Variants in METTL15 observed in about 807,000 individuals in gnomAD.
METTL15 encodes 12S rRNA N(4)-cytidine methyltransferase METTL15.
A neutral mutation model predicts 38.3 loss-of-function variants in METTL15; 34 were observed. The observed-to-expected ratio is 0.89, with a 90% CI of 0.68 to 1.18. The LOEUF is 1.18. METTL15 is among the 50% of genes most tolerant of loss of function. METTL15 has a pLI of 0.00. For synonymous variants in METTL15, 162 were observed against 170.9 expected (o/e 0.95, Z 0.41); for missense variants, 438 against 498.4 (o/e 0.88, Z 1.15).
At chr11:28,443,332 C>T (rs1206801656) in intron 6 of METTL15, among the ~76,000 whole-genome samples, 1 of 152,054 alleles carries the variant, frequency 6.6e-6, no homozygotes, top group South Asian at 2.1e-4. Context: ...TCTGTGGGTC[C>T]TTTGCTGAGT....
At chr11:28,346,672 T>A (rs1849998495) in intron 3 of METTL15, among the ~76,000 whole-genome samples, 1 of 152,190 alleles carries the variant, frequency 6.6e-6, no homozygotes, top group South Asian at 2.1e-4. Context: ...AAATCAAAAA[T>A]ACTTTACAAC....
intron 5 of METTL15, among the ~76,000 whole-genome samples, chr11:28,409,299 A>G (rs977781309): frequency 5.6e-5 from 8 of 144,008 alleles, no homozygotes; most frequent in Middle Eastern, 3.3e-3. Context: ...GGAGAATGGC[A>G]TGAACCCAGG....
At chr11:28,384,401 C>A (rs1262902822) in intron 5 of METTL15, among the ~76,000 whole-genome samples, 3 of 151,854 alleles carry the variant, frequency 2.0e-5, no homozygotes, top group African/African-American at 7.3e-5. Context: ...CTCTGCCTCC[C>A]AGGTTCAAGC....
intron 6 of METTL15, among the ~76,000 whole-genome samples, chr11:28,447,584 CATT>C (rs1049981167): frequency 6.6e-6 from 1 of 151,956 alleles, no homozygotes; most frequent in Admixed American, 6.6e-5. Flanking sequence ...GGCTGAATCT[CATT>C]ATTTTGTGAT....
intron 3 of METTL15, among the ~76,000 whole-genome samples, chr11:28,185,007 A>G (rs1003418605): frequency 2.4e-4 from 36 of 151,466 alleles, no homozygotes; most frequent in African/African-American, 8.7e-4. Context: ...CATTTTACAT[A>G]ATGTGTTGAA....
At chr11:28,281,556 G>A (rs1856057139) in intron 4 of METTL15, among the ~76,000 whole-genome samples, 1 of 152,090 alleles carries the variant, frequency 6.6e-6, no homozygotes, top group African/African-American at 2.4e-5. Flanking sequence ...GTCTTATCTA[G>A]CTTTTCTAGT....
intron 6 of METTL15, among the ~76,000 whole-genome samples, chr11:28,486,145 C>T (rs184333525): frequency 5.3e-4 from 81 of 152,214 alleles, no homozygotes; most frequent in South Asian, 2.3e-3. Context: ...AGAAAGTTAA[C>T]ACTTAGAGGT....
chr11:28,240,147 A>G (rs1249342834), intron 4 of METTL15, among the ~76,000 whole-genome samples: 1 of 152,190 alleles, frequency 6.6e-6, no homozygotes, highest in Non-Finnish European at 1.5e-5. Context: ...CTTTAAATAA[A>G]GCTGCCCTGT....
At chr11:28,200,348 A>G (rs903066677) in intron 3 of METTL15, among the ~76,000 whole-genome samples, 2 of 152,172 alleles carry the variant, frequency 1.3e-5, no homozygotes, top group African/African-American at 4.8e-5. Context: ...AGAATTACTT[A>G]ATTAACTGAA....
intron 6 of METTL15, among the ~76,000 whole-genome samples, chr11:28,481,807 CT>C: frequency 6.6e-6 from 1 of 152,240 alleles, no homozygotes; most frequent in East Asian, 1.9e-4. Flanking sequence ...GCCCGCTGGG[CT>C]CAAATACCAC....
At chr11:28,247,734 C>G (rs1404566523) in intron 4 of METTL15, among the ~76,000 whole-genome samples, 1 of 152,072 alleles carries the variant, frequency 6.6e-6, no homozygotes, top group East Asian at 1.9e-4. Context: ...CCATAATCAA[C>G]TTTTAGTGGT....
chr11:28,228,834 CA>C (rs1170033103), intron 4 of METTL15, among the ~76,000 whole-genome samples: 1 of 151,864 alleles, frequency 6.6e-6, no homozygotes, highest in Non-Finnish European at 1.5e-5. Flanking sequence ...AAAAACTTTG[CA>C]GACTTACAAG....
At chr11:28,515,512 T>G (rs1246067854) in intron 6 of METTL15, among the ~76,000 whole-genome samples, 2 of 152,232 alleles carry the variant, frequency 1.3e-5, no homozygotes, top group African/African-American at 2.4e-5. Flanking sequence ...AGTTGGTAAC[T>G]TACAGCCTAT....
intron 3 of METTL15, among the ~76,000 whole-genome samples, chr11:28,210,581 G>A (rs1852590971): frequency 6.6e-6 from 1 of 151,538 alleles, no homozygotes; most frequent in African/African-American, 2.4e-5. Context: ...TTTGTCCTGT[G>A]CTTATTTATT....
intron 3 of METTL15, among the ~76,000 whole-genome samples, chr11:28,210,404 C>T (rs1007304430): frequency 6.6e-5 from 10 of 151,602 alleles, no homozygotes; most frequent in Admixed American, 2.0e-4. Flanking sequence ...TGGAATTTTG[C>T]GACTTTAAGT....
intron 3 of METTL15, among the ~76,000 whole-genome samples, chr11:28,138,779 A>C (rs1849599688): frequency 6.6e-6 from 1 of 152,198 alleles, no homozygotes; most frequent in South Asian, 2.1e-4. Context: ...CAAGGACGTA[A>C]AACAAAATGG....
At chr11:28,242,274 T>A (rs536249780) in intron 4 of METTL15, among the ~76,000 whole-genome samples, 27 of 152,324 alleles carry the variant, frequency 1.8e-4, no homozygotes, top group African/African-American at 6.0e-4. Flanking sequence ...ATTGGTTTCC[T>A]CTCATGCTCC....
At chr11:28,396,090 C>T (rs1363123301) in intron 5 of METTL15, among the ~76,000 whole-genome samples, 6 of 152,092 alleles carry the variant, frequency 3.9e-5, no homozygotes, top group African/African-American at 9.7e-5. Flanking sequence ...ATTGATGGGA[C>T]GTATCTCAAA....
chr11:28,289,884 T>G (rs1856441397), intron 4 of METTL15, among the ~76,000 whole-genome samples: 1 of 152,154 alleles, frequency 6.6e-6, no homozygotes, highest in African/African-American at 2.4e-5. Flanking sequence ...CCCAGAGATT[T>G]AAGAAATTTT....
Sources: gnomAD v4.1 joint callset for allele counts (sites outside exome capture counted in the v4.1 genomes callset) on GRCh38, gnomAD v4.1.1 for gene constraint, MANE v1.5 for transcripts, NCBI Gene and HGNC (gene_info 2026-07-23, HGNC 2026-07-21) for gene names.